ZNF395: variants seen among roughly 807,000 people sequenced by gnomAD.
ZNF395 encodes the protein HD gene regulatory region-binding protein 2.
ZNF395 carries 20 observed loss-of-function variants against 57.7 expected under a neutral mutation model. The ratio of observed to expected loss-of-function variants is 0.35; its 90% CI spans 0.24 to 0.50. The LOEUF is 0.50. Among genes scored for constraint, ZNF395 ranks in the 20% least tolerant of loss-of-function variants. ZNF395 has a pLI of 0.97. For synonymous variants in ZNF395, 295 were observed against 275.9 expected, an observed-to-expected ratio of 1.07 and a Z score of -0.69; for missense variants, 606 against 671.2, an observed-to-expected ratio of 0.90 and a Z score of 1.07.
chr8:28,385,152 TC>T, intron 1 of ZNF395: 1 of 152,210 alleles, frequency 6.6e-6, no homozygotes, highest in Non-Finnish European at 1.5e-5. Context: ...CCTGCAGGAA[TC>T]CCCCGCGCCT....
chr8:28,351,555 C>T lies in ZNF395; in HGVS notation c.1173G>A (p.Gly391=), dbSNP rs1801683512. The stretch of plus-strand genomic sequence containing the variant: ...ACCCAGGAGCTGACTTGCTGAGAGC[C>T]CCTGAGGGCAGGGAGGACTCCGGGC... ...HPGPESSLPS[G]ALSKSAPGSF... is the part of the protein sequence containing the mutation. Residue 391 remains glycine (G), a synonymous_variant, in exon 7 of 10, where the codon GGG becomes GGA. Coordinates refer to ENST00000344423, the MANE Select transcript of ZNF395 (RefSeq NM_018660.3). The T allele has an allele frequency of 1.2e-6, 2 of 1,613,718 alleles. No individual in the cohort carries two copies. The highest frequency in any genetic ancestry group is 8.5e-7 in the Non-Finnish European group (1 of 1,179,890).
intron 1 of ZNF395, among the ~76,000 whole-genome samples, chr8:28,376,669 A>G (rs1802044613): frequency 6.6e-6 from 1 of 152,084 alleles, no homozygotes; most frequent in African/African-American, 2.4e-5. Flanking sequence ...CAAACCCACT[A>G]TATGTAGCCC....
In ZNF395 at chr8:28,351,811, T is replaced by A; in HGVS notation, c.921-4A>T. ...CTGATCAGAGTCCACTGTGTCCCTG[T>A]GTGGGAGGGAGATGCGGTATAATCA... is the stretch of plus-strand genomic sequence containing the variant. On this transcript the variant is annotated splice_region_variant and splice_polypyrimidine_tract_variant and intron_variant, in intron 6 of 9. Transcript: ENST00000344423. 6.5e-7 allele frequency: 1 copy of A among 1,536,536 alleles called. No individual in the cohort carries two copies. The highest frequency in any genetic ancestry group is 8.7e-7 in the Non-Finnish European group (1 of 1,143,230).
At chr8:28,350,784 T>C (rs1044832539) in intron 7 of ZNF395, among the ~76,000 whole-genome samples, 1 of 152,176 alleles carries the variant, frequency 6.6e-6, no homozygotes, top group Non-Finnish European at 1.5e-5. Context: ...CACAGACTGA[T>C]AAAATAGGCA....
rs1801602845 is a variant in ZNF395 at position 28,346,539 on chromosome 8, T to C, written c.*2180A>G. On this transcript the variant is annotated 3_prime_UTR_variant, in exon 10 of 10. Transcript: ENST00000344423. ...AGCAAAACCACCGTGGTTTCCACAC[T>C]GCTCTCTCCCTTTATTCCTCTCTTT... is the stretch of plus-strand genomic sequence containing the variant. 1.3e-5 allele frequency: 2 copies of C among 152,312 alleles called. No homozygotes were observed. Among genetic ancestry groups the C allele is most frequent in the African/African-American group, 4.8e-5 (2 of 41,452 alleles). 9.4% of individuals were successfully genotyped at this position (152,312 alleles called of 1,614,324 possible). A position where few individuals can be genotyped will look rare whatever the true frequency, so the allele number is the denominator to read the frequency against.
intron 1 of ZNF395, among the ~76,000 whole-genome samples, chr8:28,373,381 G>A (rs907202968): frequency 1.6e-4 from 24 of 152,228 alleles, no homozygotes; most frequent in African/African-American, 5.5e-4. Context: ...GGCCAGAATC[G>A]TAAACAGTGG....
rs1801628899 is a variant in ZNF395, at chr8:28,348,023, A to G, written c.*696T>C. The G allele has an allele frequency of 6.6e-6, 1 of 152,206 alleles. No individual in the cohort carries two copies. The highest frequency in any genetic ancestry group is 1.5e-5 in the Non-Finnish European group (1 of 68,038). 9.4% of individuals were successfully genotyped at this position (152,206 alleles called of 1,614,324 possible). ...CCTTTTGGCTCAGCTATTTGGCGACAGTCTTTTAAAAAACCTCTTTCTCTG... is the reference window on the plus strand; with the variant it reads ...CCTTTTGGCTCAGCTATTTGGCGACGGTCTTTTAAAAAACCTCTTTCTCTG... On this transcript the variant is annotated 3_prime_UTR_variant, in exon 10 of 10. Coordinates refer to ENST00000344423, the MANE Select transcript of ZNF395 (RefSeq NM_018660.3).
At chr8:28,366,365 A>C (rs927796972) in intron 1 of ZNF395, among the ~76,000 whole-genome samples, 1 of 152,142 alleles carries the variant, frequency 6.6e-6, no homozygotes, top group African/African-American at 2.4e-5. Context: ...GAAAAGTGCC[A>C]ATTTTTCCTT....
At chr8:28,374,108 G>C (rs1802009449) in intron 1 of ZNF395, among the ~76,000 whole-genome samples, 1 of 152,192 alleles carries the variant, frequency 6.6e-6, no homozygotes, top group African/African-American at 2.4e-5. Context: ...TGAAGTACTT[G>C]TGTAGCCTTC....
Position 28,356,520 on chromosome 8 carries a change from G to T in ZNF395, c.583+150C>A. ...AAAGAACGGAAGCATCTAACTCCAT[G>T]GCATGCAGCCGGTCAGAGGTGCCAG... is the stretch of plus-strand genomic sequence containing the variant. On this transcript the variant is annotated intron_variant, in intron 4 of 9. Transcript: ENST00000344423. This position sits in a 1 kb window ranked among gnomAD's most constrained non-coding sequence, Gnocchi z 4.0. The T allele has an allele frequency of 1.7e-6, 1 of 596,336 alleles. No homozygotes were observed. Among genetic ancestry groups the T allele is most frequent in the East Asian group, 2.9e-5 (1 of 34,474 alleles). 36.9% of individuals were successfully genotyped at this position (596,336 alleles called of 1,614,324 possible).
rs1365056644 is a variant in ZNF395 at position 28,351,538 on chromosome 8, G to A, written c.1190C>T (p.Ala397Val). The A allele has an allele frequency of 6.2e-7, 1 of 1,613,014 alleles. No homozygotes were observed. The highest frequency in any genetic ancestry group is 8.5e-7 in the Non-Finnish European group (1 of 1,179,304). The change falls in exon 7 of 10, where the codon GCT becomes GTT. Residue 397 changes from alanine (A) to valine (V), a missense_variant. Physicochemically the swap from Ala to Val is moderately conservative, Grantham distance 64. This residue lies in a region of ZNF395 where 261 missense variants were observed against 240.3 expected (regional missense o/e 1.09). Coordinates refer to ENST00000344423, the MANE Select transcript of ZNF395 (RefSeq NM_018660.3). Reference sequence around the variant, plus strand: ...CTGAATGTGCCAGAAGGACCCAGGAGCTGACTTGCTGAGAGCCCCTGAGGG... The same window carrying A: ...CTGAATGTGCCAGAAGGACCCAGGAACTGACTTGCTGAGAGCCCCTGAGGG... ...SLPSGALSKS[A>V]PGSFWHIQAD...
chr8:28,357,422 T>TA, intron 3 of ZNF395, among the ~76,000 whole-genome samples: 1 of 152,364 alleles, frequency 6.6e-6, no homozygotes, highest in African/African-American at 2.4e-5. Flanking sequence ...CAGAGTTCTA[T>TA]AAAATGTTAC....
chr8:28,372,163 T>C (rs1175765985), intron 1 of ZNF395, among the ~76,000 whole-genome samples: 1 of 152,162 alleles, frequency 6.6e-6, no homozygotes, highest in East Asian at 1.9e-4. Flanking sequence ...ATTGATCCTA[T>C]CCCAGAGGAT....
At chr8:28,357,569 T>C (rs907207914) in intron 3 of ZNF395, among the ~76,000 whole-genome samples, 1 of 152,256 alleles carries the variant, frequency 6.6e-6, no homozygotes, top group Non-Finnish European at 1.5e-5. Flanking sequence ...AAAGCTGTCT[T>C]AATTTATTCC....
intron 3 of ZNF395, among the ~76,000 whole-genome samples, chr8:28,358,888 C>G (rs1801814068): frequency 6.6e-6 from 1 of 152,188 alleles, no homozygotes; most frequent in African/African-American, 2.4e-5. Flanking sequence ...CACAGCAGAG[C>G]TGAGCAGTGG....
At chr8:28,375,850 G>A (rs920992223) in intron 1 of ZNF395, among the ~76,000 whole-genome samples, 1 of 152,154 alleles carries the variant, frequency 6.6e-6, no homozygotes, top group Non-Finnish European at 1.5e-5. Context: ...AATAGAAAGA[G>A]GAGAGGGAGT....
At position 28,355,702 on chromosome 8, in the gene ZNF395, C is replaced by T. The variant is rs1027448684; in HGVS notation, c.583+968G>A. ...TCCTTTCCTCTTCCCTATTTGGCTG[C>T]GCTAATAGAGCAGGCATGCAATACT... On this transcript the variant is annotated intron_variant, in intron 4 of 9. Transcript: ENST00000344423. Among the ~76,000 whole-genome samples, 4 of 152,158 alleles carry T rather than the reference C, an allele frequency of 2.6e-5. No homozygotes were observed. In the East Asian group the frequency reaches 5.8e-4, roughly 22 times the overall value.
chr8:28,360,834 T>G (rs1300452039), intron 2 of ZNF395, 51 bp downstream of exon 2: 2 of 1,597,190 alleles, frequency 1.3e-6, no homozygotes, highest in East Asian at 2.2e-5. Context: ...CCCAGCCCCC[T>G]ACCCCAAGAC....
chr8:28,358,160 T>C (rs907843096), intron 3 of ZNF395, among the ~76,000 whole-genome samples: 9 of 145,480 alleles, frequency 6.2e-5, no homozygotes, highest in African/African-American at 1.5e-4. Flanking sequence ...TCTTTTTTTT[T>C]TTTTTTTTTT....
Sources: gnomAD v4.1 joint callset for allele counts (sites outside exome capture counted in the v4.1 genomes callset) on GRCh38, gnomAD v4.1.1 for gene constraint, gnomAD v4.1.1 regional missense constraint, Gnocchi (gnomAD v3.1) non-coding constraint, MANE v1.5 for transcripts, NCBI Gene and HGNC (gene_info 2026-07-23, HGNC 2026-07-21) for gene names.